ZFHX4: variants seen among roughly 807,000 people sequenced by gnomAD.
ZFHX4 encodes the protein zinc finger homeobox 4.
ZFHX4 carries 56 observed loss-of-function variants against 267.6 expected under a neutral mutation model. The observed-to-expected ratio is 0.21, with a 90% CI of 0.17 to 0.26. The LOEUF (loss-of-function observed/expected upper bound fraction) is 0.26, where lower values mean the gene tolerates loss of function less well. Among genes scored for constraint, ZFHX4 ranks in the 10% least tolerant of loss-of-function variants. ZFHX4 has a pLI of 1.00. For synonymous variants in ZFHX4, 1,778 were observed against 1,665.6 expected (o/e 1.07, Z -1.64); for missense variants, 4,332 against 4,420.0 (o/e 0.98, Z 0.56).
intron 9 of ZFHX4, 127 bp downstream of exon 9, chr8:76,850,489 A>T: frequency 1.3e-6 from 1 of 790,582 alleles, no homozygotes; most frequent in Non-Finnish European, 2.0e-6. Flanking sequence ...ATGCCATTTC[A>T]AAGAGCCATA....
intron 4 of ZFHX4, among the ~76,000 whole-genome samples, chr8:76,785,296 A>G (rs1243938899): frequency 6.6e-6 from 1 of 152,046 alleles, no homozygotes; most frequent in Non-Finnish European, 1.5e-5. Context: ...TATTCTAGAT[A>G]TTTTGAACAT....
intron 3 of ZFHX4, among the ~76,000 whole-genome samples, chr8:76,734,932 C>T (rs1809117809): frequency 6.6e-6 from 1 of 152,072 alleles, no homozygotes; most frequent in Non-Finnish European, 1.5e-5. Flanking sequence ...CAGTGGGGAT[C>T]CCATTCTTCA....
intron 4 of ZFHX4, among the ~76,000 whole-genome samples, chr8:76,798,283 C>T (rs1811034264): frequency 6.6e-6 from 1 of 152,020 alleles, no homozygotes; most frequent in African/African-American, 2.4e-5. Flanking sequence ...TGAGTAATTG[C>T]TAAAGGGAAC....
intron 1 of ZFHX4, among the ~76,000 whole-genome samples, chr8:76,703,250 A>G (rs370007369): frequency 1.9e-4 from 29 of 152,322 alleles, no homozygotes; most frequent in African/African-American, 6.3e-4. Context: ...CAGGATTGGT[A>G]ACATCAAAAT....
Position 76,706,126 on chromosome 8 carries a change from G to A in ZFHX4, c.2038G>A (p.Gly680Arg). ...TGGCTCTTGTGTTTATTGTAAGACT[G>A]GACAGCCTCACCCCAGGCTTGCCCG... ...PGGSCVYCKT[G>R]QPHPRLARGE... Residue 680 changes from glycine to arginine, a missense_variant, in exon 2 of 11, where the codon GGA becomes AGA. Physicochemically the swap from Gly to Arg is moderately radical, Grantham distance 125. This residue lies in a region of ZFHX4 where 1,195 missense variants were observed against 1,173.6 expected (regional missense o/e 1.02). Coordinates refer to ENST00000651372, the MANE Select transcript of ZFHX4 (RefSeq NM_024721.5). 6.2e-7 allele frequency: 1 copy of A among 1,613,780 alleles called. No individual in the cohort carries two copies. Among genetic ancestry groups the A allele is most frequent in the African/African-American group, 1.3e-5 (1 of 75,008 alleles).
At chr8:76,774,505 A>G (rs1035205720) in intron 3 of ZFHX4, among the ~76,000 whole-genome samples, 1 of 152,126 alleles carries the variant, frequency 6.6e-6, no homozygotes, top group African/African-American at 2.4e-5. Context: ...TTGCTTATAA[A>G]TCTTAACTAA....
chr8:76,712,341 A>G (rs1384089193), intron 3 of ZFHX4, among the ~76,000 whole-genome samples: 1 of 152,158 alleles, frequency 6.6e-6, no homozygotes, highest in Admixed American at 6.5e-5. Context: ...TGGGAACAGT[A>G]TGTGTAAAGG....
intron 3 of ZFHX4, among the ~76,000 whole-genome samples, chr8:76,753,759 G>GTA (rs1809687791): frequency 6.6e-6 from 1 of 150,696 alleles, no homozygotes; most frequent in Non-Finnish European, 1.5e-5. Flanking sequence ...TGAGTAGCTA[G>GTA]GACTAGAGGC....
chr8:76,831,113 A>G (rs1411532344), intron 4 of ZFHX4, among the ~76,000 whole-genome samples: 1 of 152,220 alleles, frequency 6.6e-6, no homozygotes, highest in Non-Finnish European at 1.5e-5. Flanking sequence ...TTGCCTCATT[A>G]TGTTATTGTG....
intron 5 of ZFHX4, among the ~76,000 whole-genome samples, chr8:76,842,278 T>C (rs2131915039): frequency 6.6e-6 from 1 of 152,308 alleles, no homozygotes; most frequent in Middle Eastern, 3.4e-3. Context: ...CTGTTTTCTT[T>C]TTCCTGACAT....
chr8:76,707,968 G>A lies in ZFHX4; in HGVS notation c.3013G>A (p.Asp1005Asn), dbSNP rs770085899. The A allele has an allele frequency of 1.9e-6, 3 of 1,613,982 alleles. No individual in the cohort carries two copies. The change falls in exon 3 of 11, where the codon GAC (aspartate) becomes AAC (asparagine). Residue 1005 changes from aspartate (D) to asparagine (N), a missense_variant. Physicochemically the swap from Asp to Asn is conservative, Grantham distance 23. This residue lies in a region of ZFHX4 where 1,371 missense variants were observed against 1,423.1 expected (regional missense o/e 0.96). Coordinates refer to ENST00000651372, the MANE Select transcript of ZFHX4 (RefSeq NM_024721.5). ...NPVHLKCNAC[D>N]YYTNSVDKLR... ...TGTTCACCTAAAATGTAACGCCTGT[G>A]ACTATTACACCAACAGTGTGGATAA...
intron 4 of ZFHX4, among the ~76,000 whole-genome samples, chr8:76,804,275 T>C (rs1811192258): frequency 6.6e-6 from 1 of 152,122 alleles, no homozygotes; most frequent in African/African-American, 2.4e-5. Flanking sequence ...GTCCAAAATT[T>C]AATTTTTCAA....
chr8:76,848,362 T>G (rs1812417696), intron 6 of ZFHX4, among the ~76,000 whole-genome samples: 2 of 152,176 alleles, frequency 1.3e-5, no homozygotes, highest in Non-Finnish European at 2.9e-5. Context: ...CACCAAATAT[T>G]TGGATTAACC....
intron 4 of ZFHX4, among the ~76,000 whole-genome samples, chr8:76,799,546 A>C (rs1181481176): frequency 1.3e-5 from 2 of 152,140 alleles, no homozygotes; most frequent in Non-Finnish European, 2.9e-5. Context: ...GAAAACAAAA[A>C]TCCTTATTAA....
intron 5 of ZFHX4, among the ~76,000 whole-genome samples, chr8:76,834,929 T>G (rs922911330): frequency 6.6e-6 from 1 of 151,630 alleles, no homozygotes; most frequent in African/African-American, 2.4e-5. Context: ...CTGAAGGATA[T>G]AAGGTTTGTG....
chr8:76,765,075 G>C (rs181412068), intron 3 of ZFHX4, among the ~76,000 whole-genome samples: 1 of 152,264 alleles, frequency 6.6e-6, no homozygotes, highest in Non-Finnish European at 1.5e-5. Context: ...AACATAGAAA[G>C]TCATGAGCTG....
chr8:76,698,607 A>G (rs529247497), intron 1 of ZFHX4, among the ~76,000 whole-genome samples: 326 of 152,160 alleles, frequency 2.1e-3, no homozygotes, highest in African/African-American at 7.5e-3. Context: ...AGGGAGAAGA[A>G]GACTATCAAT....
intron 3 of ZFHX4, among the ~76,000 whole-genome samples, chr8:76,709,221 G>C (rs908104017): frequency 6.6e-6 from 1 of 151,696 alleles, no homozygotes; most frequent in Admixed American, 6.6e-5. Flanking sequence ...TGAAATTCTA[G>C]ATAAATGTAC....
intron 3 of ZFHX4, among the ~76,000 whole-genome samples, chr8:76,729,545 T>C (rs560818024): frequency 1.8e-4 from 28 of 152,296 alleles, no homozygotes; most frequent in Non-Finnish European, 3.2e-4. Context: ...CAGTGACATA[T>C]TATTCCAATT....
Sources: allele counts gnomAD v4.1 joint callset (sites outside exome capture counted in the v4.1 genomes callset), GRCh38; gene constraint gnomAD v4.1.1; regional missense constraint gnomAD v4.1.1; transcripts MANE v1.5; gene names NCBI Gene and HGNC (gene_info 2026-07-23, HGNC 2026-07-21).